Variants in TCAIM observed in about 807,000 individuals in gnomAD.
TCAIM encodes T cell activation inhibitor, mitochondrial.
In TCAIM, 36 loss-of-function variants were observed where a neutral mutation model predicts 58.6. That is an observed-to-expected ratio of 0.61 (90% CI 0.47 to 0.81). The LOEUF (loss-of-function observed/expected upper bound fraction) is 0.81, where lower values mean the gene tolerates loss of function less well. Ranked by LOEUF, TCAIM falls within the 30% of genes least tolerant of loss-of-function variation. TCAIM has a pLI of 0.00. For synonymous variants in TCAIM, 172 were observed against 193.6 expected, an observed-to-expected ratio of 0.89 and a Z score of 0.93; for missense variants, 466 against 579.6, an observed-to-expected ratio of 0.80 and a Z score of 2.01.
intron 1 of TCAIM, among the ~76,000 whole-genome samples, chr3:44,345,524 A>G (rs1019579121): frequency 1.3e-5 from 2 of 152,300 alleles, no homozygotes; most frequent in Non-Finnish European, 2.9e-5. Context: ...TTTAATATAC[A>G]GAGTCCCCTT....
intron 4 of TCAIM, 117 bp downstream of exon 4, chr3:44,361,635 T>C: frequency 2.9e-6 from 3 of 1,018,468 alleles, no homozygotes; most frequent in East Asian, 2.9e-5. Context: ...AATAATAGCA[T>C]TTAATTGATT....
intron 4 of TCAIM, among the ~76,000 whole-genome samples, chr3:44,366,463 G>GTTTTTTTT (rs11310204): frequency 1.2e-5 from 1 of 83,036 alleles, no homozygotes; most frequent in African/African-American, 4.7e-5. Flanking sequence ...AATTTTTGTT[G>GTTTTTTTT]TTTTTTTTTT....
intron 5 of TCAIM, among the ~76,000 whole-genome samples, chr3:44,385,747 A>G (rs1462298385): frequency 2.0e-5 from 3 of 151,924 alleles, no homozygotes; most frequent in Middle Eastern, 3.2e-3. Flanking sequence ...CTTCTCAAAA[A>G]CAAAAAAAAT....
Position 44,408,090 on chromosome 3 carries a change from A to G in TCAIM, c.*408A>G, listed in dbSNP as rs80065060. On this transcript the variant is annotated 3_prime_UTR_variant, in exon 11 of 11. Coordinates refer to ENST00000342649, the MANE Select transcript of TCAIM (RefSeq NM_173826.4). The stretch of plus-strand genomic sequence containing the variant: ...TTATGATGTTGGTTGGCAAGGCTAG[A>G]TAAAAAGATGTTAGAATGAAAGAAC... 5,319 of 152,754 alleles carry G rather than the reference A, an allele frequency of 0.035. 137 individuals carry two copies. Among genetic ancestry groups the G allele is most frequent in the Middle Eastern group, 0.061 (18 of 294 alleles). The allele number at this position is 152,754 out of a possible 1,614,324, so 9.5% of individuals were successfully genotyped here.
At chr3:44,370,143 T>C (rs1231946803) in intron 5 of TCAIM, among the ~76,000 whole-genome samples, 2 of 152,186 alleles carry the variant, frequency 1.3e-5, no homozygotes, top group Non-Finnish European at 2.9e-5. Flanking sequence ...TTGACAGTTA[T>C]GAGGACAAGC....
chr3:44,361,898 GCCTTTCCCA>G (rs1701301401), intron 4 of TCAIM, among the ~76,000 whole-genome samples: 1 of 152,134 alleles, frequency 6.6e-6, no homozygotes, highest in African/African-American at 2.4e-5. Context: ...GATGTTCAGT[GCCTTTCCCA>G]AGACCAGAGA....
At chr3:44,402,561 G>A (rs962876076) in intron 10 of TCAIM, among the ~76,000 whole-genome samples, 5 of 152,158 alleles carry the variant, frequency 3.3e-5, no homozygotes, top group Admixed American at 1.3e-4. Context: ...GTGAAGAAAT[G>A]AAGTCATTTA....
At chr3:44,370,958 C>A (rs146873223) in intron 5 of TCAIM, among the ~76,000 whole-genome samples, 69 of 146,418 alleles carry the variant, frequency 4.7e-4, no homozygotes, top group African/African-American at 1.7e-3. Flanking sequence ...GTTGCCCAGG[C>A]TGGAGTGCAA....
At chr3:44,391,665 G>T (rs746097117) in intron 5 of TCAIM, among the ~76,000 whole-genome samples, 15 of 152,198 alleles carry the variant, frequency 9.9e-5, no homozygotes, top group Non-Finnish European at 1.9e-4. Flanking sequence ...CTGAGCACCA[G>T]GGTAGTGAAG....
chr3:44,371,725 G>A (rs1170274442), intron 5 of TCAIM, among the ~76,000 whole-genome samples: 1 of 152,134 alleles, frequency 6.6e-6, no homozygotes, highest in Non-Finnish European at 1.5e-5. Flanking sequence ...CTAAGCATGA[G>A]CATTGCCCAG....
At position 44,407,599 on chromosome 3, in the gene TCAIM, T is replaced by C; in HGVS notation, c.1408T>C (p.Cys470Arg). 6.2e-7 allele frequency: 1 copy of C among 1,613,992 alleles called. No homozygotes were observed. The highest frequency in any genetic ancestry group is 8.5e-7 in the Non-Finnish European group (1 of 1,179,944). Residue 470 changes from cysteine to arginine, a missense_variant, in exon 11 of 11, where the codon TGC becomes CGC. Coordinates refer to ENST00000342649, the MANE Select transcript of TCAIM (RefSeq NM_173826.4). ...SLPYLHGMHL[C>R]ISHFYSVMQD... is the part of the protein sequence containing the mutation. ...GCCTTACCTACATGGGATGCACCTC[T>C]GCATTTCACATTTTTACTCTGTTAT...
chr3:44,385,316 G>A (rs926943221), intron 5 of TCAIM, among the ~76,000 whole-genome samples: 8 of 152,196 alleles, frequency 5.3e-5, no homozygotes, highest in African/African-American at 1.9e-4. Flanking sequence ...TGAGAAGAGA[G>A]ACTCTCACTT....
chr3:44,397,734 T>C (rs1701956550), intron 8 of TCAIM, among the ~76,000 whole-genome samples: 1 of 152,204 alleles, frequency 6.6e-6, no homozygotes, highest in Admixed American at 6.5e-5. Flanking sequence ...TTAATTTTAG[T>C]CAGTCTAATA....
chr3:44,403,396 T>A (rs1702052311), intron 10 of TCAIM, among the ~76,000 whole-genome samples: 1 of 152,234 alleles, frequency 6.6e-6, no homozygotes, highest in Non-Finnish European at 1.5e-5. Context: ...TTTTCCTGTT[T>A]TCCTTATGGA....
At chr3:44,394,544 A>G (rs553319760) in intron 6 of TCAIM, among the ~76,000 whole-genome samples, 75 of 152,074 alleles carry the variant, frequency 4.9e-4, no homozygotes, top group Non-Finnish European at 8.8e-4. Flanking sequence ...AATAAACATT[A>G]TTTTACAGTA....
At chr3:44,406,201 A>G (rs1241568368) in intron 10 of TCAIM, among the ~76,000 whole-genome samples, 1 of 152,192 alleles carries the variant, frequency 6.6e-6, no homozygotes, top group Non-Finnish European at 1.5e-5. Context: ...AAGGAATGAA[A>G]ATGAGAGTCT....
chr3:44,372,008 GAGAAGGAAGGAA>G (rs1260427517), intron 5 of TCAIM, among the ~76,000 whole-genome samples: 2 of 130,532 alleles, frequency 1.5e-5, no homozygotes, highest in Middle Eastern at 3.6e-3. Context: ...GAGAGAAAGA[GAGAAGGAAGGAA>G]GGAAGGAAGG....
chr3:44,369,588 C>T (rs754893880), intron 5 of TCAIM, among the ~76,000 whole-genome samples: 9 of 152,144 alleles, frequency 5.9e-5, no homozygotes, highest in African/African-American at 2.2e-4. Context: ...TATAGAAAGC[C>T]AACTCAACAA....
At chr3:44,341,026 C>T (rs1208178376) in intron 1 of TCAIM, 1 of 151,786 alleles carries the variant, frequency 6.6e-6, no homozygotes, top group Non-Finnish European at 1.5e-5. Flanking sequence ...TAATTTTTTC[C>T]AATGATTTGT....
Sources: allele counts gnomAD v4.1 joint callset (sites outside exome capture counted in the v4.1 genomes callset), GRCh38; gene constraint gnomAD v4.1.1; transcripts MANE v1.5; gene names NCBI Gene and HGNC (gene_info 2026-07-23, HGNC 2026-07-21).